Variants in KIAA1549L observed in about 807,000 individuals in gnomAD.
KIAA1549L encodes the protein KIAA1549 like.
Under a neutral mutation model 160.7 loss-of-function variants are expected in KIAA1549L, and 88 were observed. The ratio of observed to expected loss-of-function variants is 0.55; its 90% CI spans 0.46 to 0.65. The LOEUF is 0.65. KIAA1549L is among the 30% of genes least tolerant of loss of function. KIAA1549L has a pLI of 0.00. For synonymous variants in KIAA1549L, 950 were observed against 976.7 expected (o/e 0.97, Z 0.51); for missense variants, 2,258 against 2,437.5 (o/e 0.93, Z 1.55).
chr11:33,397,848 AG>A (rs1459396112), intron 1 of KIAA1549L, among the ~76,000 whole-genome samples: 13 of 136,730 alleles, frequency 9.5e-5, no homozygotes, highest in African/African-American at 3.0e-4. Context: ...AAAATCATAT[AG>A]TTTTTTTTGT....
chr11:33,590,931 T>G lies in KIAA1549L; in HGVS notation c.4567-306T>G, dbSNP rs75954047. Among the ~76,000 whole-genome samples, 759 of 152,320 alleles carry G rather than the reference T, an allele frequency of 5.0e-3. 11 individuals carry two copies. The highest frequency in any genetic ancestry group is 0.018 in the African/African-American group (728 of 41,556). On this transcript the variant is annotated intron_variant, in intron 11 of 20. Coordinates refer to ENST00000658780, the MANE Select transcript of KIAA1549L (RefSeq NM_012194.3). ...AGTTGTTTCTCATTTGCAGCATCCA[T>G]TGACTTAAAATTCATGGTCTAAAAT...
At chr11:33,539,080 A>G (rs1461345030) in intron 1 of KIAA1549L, among the ~76,000 whole-genome samples, 5 of 152,202 alleles carry the variant, frequency 3.3e-5, no homozygotes, top group Non-Finnish European at 7.3e-5. Context: ...TCTTCAAATC[A>G]GTTCTTCTGA....
intron 1 of KIAA1549L, among the ~76,000 whole-genome samples, chr11:33,419,686 A>C (rs1357202245): frequency 6.6e-6 from 1 of 152,092 alleles, no homozygotes; most frequent in Non-Finnish European, 1.5e-5. Flanking sequence ...TCTCCACTAA[A>C]AAATACAAAA....
chr11:33,462,319 A>G (rs368042843), intron 1 of KIAA1549L, among the ~76,000 whole-genome samples: 1 of 152,242 alleles, frequency 6.6e-6, no homozygotes, highest in East Asian at 1.9e-4. Flanking sequence ...GAACTTAGCC[A>G]TGGAAAATGG....
chr11:33,444,994 G>T (rs1730831107), intron 1 of KIAA1549L, among the ~76,000 whole-genome samples: 1 of 152,180 alleles, frequency 6.6e-6, no homozygotes, highest in African/African-American at 2.4e-5. Context: ...ACAGTAAATG[G>T]AGGAAGAATG....
chr11:33,558,289 A>G (rs1322933144), intron 6 of KIAA1549L, among the ~76,000 whole-genome samples: 1 of 152,184 alleles, frequency 6.6e-6, no homozygotes, highest in Non-Finnish European at 1.5e-5. Flanking sequence ...GGCAAACCGC[A>G]GGAGCAGTAC....
chr11:33,671,991 A>G lies in KIAA1549L; in HGVS notation c.*3837A>G, dbSNP rs1172700048. The G allele has an allele frequency of 2.0e-5, 3 of 152,206 alleles. No individual in the cohort carries two copies. The highest frequency in any genetic ancestry group is 2.9e-5 in the Non-Finnish European group (2 of 68,040). The allele number at this position is 152,206 out of a possible 1,614,324, so 9.4% of individuals were successfully genotyped here. A position where few individuals can be genotyped will look rare whatever the true frequency, so the allele number is the denominator to read the frequency against. On this transcript the variant is annotated 3_prime_UTR_variant, in exon 21 of 21. Transcript: ENST00000658780. ...AAATTAAATTCTGCCATTCAGTCCA[A>G]CCTCAAAGGTGTTCCAGGCAAGGAG... is the stretch of plus-strand genomic sequence containing the variant.
Position 33,646,096 on chromosome 11 carries a change from C to T in KIAA1549L, c.5760+60C>T, listed in dbSNP as rs567692241. 10 of 1,294,272 alleles carry T rather than the reference C, an allele frequency of 7.7e-6. No homozygotes were observed. In the African/African-American group the frequency reaches 1.0e-4, roughly 13 times the overall value. 80.2% of individuals were successfully genotyped at this position (1,294,272 alleles called of 1,614,324 possible). ...GGTCAGTCTGCCCAGTGAGTTCCAA[C>T]AGGAGACTCAGAGCAGGGGCTTCTA... On this transcript the variant is annotated intron_variant, in intron 17 of 20. Coordinates refer to ENST00000658780, the MANE Select transcript of KIAA1549L (RefSeq NM_012194.3).
chr11:33,559,114 A>G (rs1318135849), intron 6 of KIAA1549L, among the ~76,000 whole-genome samples: 1 of 152,102 alleles, frequency 6.6e-6, no homozygotes, highest in African/African-American at 2.4e-5. Flanking sequence ...CTGGGATTAC[A>G]GGTGTGAGCC....
At chr11:33,587,535 G>A (rs1008201462) in intron 11 of KIAA1549L, among the ~76,000 whole-genome samples, 2 of 152,230 alleles carry the variant, frequency 1.3e-5, no homozygotes, top group African/African-American at 4.8e-5. Flanking sequence ...TCACAGGTTT[G>A]TTGGAGGATG....
chr11:33,520,229 G>C (rs1437315109), intron 1 of KIAA1549L, among the ~76,000 whole-genome samples: 1 of 151,960 alleles, frequency 6.6e-6, no homozygotes, highest in African/African-American at 2.4e-5. Context: ...TAGATCTCCA[G>C]ATCTTATTTA....
At chr11:33,415,717 T>C (rs1191061340) in intron 1 of KIAA1549L, among the ~76,000 whole-genome samples, 1 of 152,158 alleles carries the variant, frequency 6.6e-6, no homozygotes, top group African/African-American at 2.4e-5. Flanking sequence ...CCTTATATCC[T>C]TGAGCTTTTT....
chr11:33,600,539 C>T (rs563061672), intron 13 of KIAA1549L, among the ~76,000 whole-genome samples: 2 of 151,586 alleles, frequency 1.3e-5, no homozygotes, highest in South Asian at 2.1e-4. Context: ...CGCCTACTCC[C>T]TCCCCTCCCC....
In KIAA1549L at chr11:33,599,997, AT is replaced by A. The variant is rs933418273; in HGVS notation, c.4879+1060del. Among the ~76,000 whole-genome samples the A allele has an allele frequency of 1.3e-3, 200 of 149,572 alleles. 1 individual carries two copies. The highest frequency in any genetic ancestry group is 4.4e-3 in the African/African-American group (180 of 40,826). On this transcript the variant is annotated intron_variant, in intron 13 of 20. Transcript: ENST00000658780. ...TTTTTTGTTTTCAAATATCACTTTT[AT>A]TTTTTTTTTCCGACTGAAAACGGTA...
At chr11:33,461,218 T>A (rs1851935765) in intron 1 of KIAA1549L, among the ~76,000 whole-genome samples, 1 of 150,422 alleles carries the variant, frequency 6.6e-6, no homozygotes, top group Non-Finnish European at 1.5e-5. Flanking sequence ...AAGGAAAAAA[T>A]GATATTTAAG....
At chr11:33,437,977 A>G (rs1590244370) in intron 1 of KIAA1549L, among the ~76,000 whole-genome samples, 1 of 152,084 alleles carries the variant, frequency 6.6e-6, no homozygotes, top group Non-Finnish European at 1.5e-5. Flanking sequence ...TCCCACTACC[A>G]CCTGCCTACG....
chr11:33,528,802 T>C (rs1853672123), intron 1 of KIAA1549L, among the ~76,000 whole-genome samples: 3 of 152,128 alleles, frequency 2.0e-5, no homozygotes, highest in Non-Finnish European at 4.4e-5. Context: ...AAGAATGATA[T>C]AATGGACTCT....
At chr11:33,607,407 AT>A (rs905193101) in intron 14 of KIAA1549L, among the ~76,000 whole-genome samples, 1 of 152,234 alleles carries the variant, frequency 6.6e-6, no homozygotes, top group African/African-American at 2.4e-5. Context: ...TAGAGTGATG[AT>A]TTCATCAAAG....
rs557850153 is a variant in KIAA1549L at position 33,480,941 on chromosome 11, G to A, written c.239-60861G>A. On this transcript the variant is annotated intron_variant, in intron 1 of 20. Transcript: ENST00000658780. ...GGACATGATGCCATCTCCACCCTCC[G>A]CTAAATCTACCATTAGCAACTCACA... is the stretch of plus-strand genomic sequence containing the variant. Among the ~76,000 whole-genome samples the A allele has an allele frequency of 1.1e-4, 16 of 152,234 alleles. No homozygotes were observed. In the East Asian group the frequency reaches 2.3e-3, roughly 22 times the overall value.
Sources: gnomAD v4.1 joint callset for allele counts (sites outside exome capture counted in the v4.1 genomes callset) on GRCh38, gnomAD v4.1.1 for gene constraint, MANE v1.5 for transcripts, NCBI Gene and HGNC (gene_info 2026-07-23, HGNC 2026-07-21) for gene names.